The following DTNB variants were observed in gnomAD, a reference collection of about 807,000 sequenced individuals.
DTNB encodes DTN-B.
DTNB carries 63 observed loss-of-function variants against 90.7 expected under a neutral mutation model. The ratio of observed to expected loss-of-function variants is 0.69; its 90% confidence interval spans 0.57 to 0.86. DTNB has a LOEUF of 0.86. Among genes scored for constraint, DTNB ranks in the 40% least tolerant of loss-of-function variants. The pLI, the probability that DTNB is intolerant of heterozygous loss-of-function variation, is 0.00. For missense variants in DTNB, 744 were observed against 807.1 expected (o/e 0.92, Z 0.95); for synonymous variants, 277 against 286.7 (o/e 0.97, Z 0.34).
At chr2:25,488,769 C>A (rs543393283) in intron 9 of DTNB, among the ~76,000 whole-genome samples, 2 of 152,280 alleles carry the variant, frequency 1.3e-5, no homozygotes, top group African/African-American at 4.8e-5. Flanking sequence ...TCCCCCCTCA[C>A]CCTCCCGAGT....
intron 3 of DTNB, among the ~76,000 whole-genome samples, chr2:25,630,002 G>C (rs1035711854): frequency 8.5e-5 from 13 of 152,206 alleles, no homozygotes; most frequent in Non-Finnish European, 1.9e-4. Flanking sequence ...TTAAGGGTCT[G>C]GGATCCAGAC....
At chr2:25,616,682 C>T (rs58541550) in intron 4 of DTNB, among the ~76,000 whole-genome samples, 24,265 of 148,006 alleles carry the variant, frequency 0.16, 2,543 homozygotes, top group East Asian at 0.57. Context: ...CCTCTAATCC[C>T]AGCACTTTGG....
chr2:25,637,034 A>C (rs2077263795), intron 3 of DTNB, among the ~76,000 whole-genome samples: 2 of 152,150 alleles, frequency 1.3e-5, no homozygotes, highest in African/African-American at 4.8e-5. Flanking sequence ...GGTCTAACAG[A>C]GCCCTCAGAA....
intron 15 of DTNB, among the ~76,000 whole-genome samples, chr2:25,423,026 C>T (rs2050287859): frequency 6.6e-6 from 1 of 152,096 alleles, no homozygotes; most frequent in South Asian, 2.1e-4. Flanking sequence ...AACCCGTCTA[C>T]TAAAAATACA....
chr2:25,600,906 T>C (rs940512863), intron 5 of DTNB, among the ~76,000 whole-genome samples: 8 of 152,204 alleles, frequency 5.3e-5, no homozygotes, highest in Non-Finnish European at 1.0e-4. Context: ...TAAGAAACTA[T>C]AACAGGCCTA....
At chr2:25,609,677 C>T (rs1009230452) in intron 4 of DTNB, among the ~76,000 whole-genome samples, 9 of 148,990 alleles carry the variant, frequency 6.0e-5, no homozygotes, top group Admixed American at 1.3e-4. Flanking sequence ...CACACACACA[C>T]ACACACACAC....
chr2:25,419,330 C>T (rs2048744608), intron 16 of DTNB, 185 bp downstream of exon 16: 2 of 834,980 alleles, frequency 2.4e-6, no homozygotes, highest in South Asian at 1.5e-5. Context: ...ACATGCTCTA[C>T]TGGGTAAACA....
At chr2:25,590,977 T>A (rs887130562) in intron 6 of DTNB, among the ~76,000 whole-genome samples, 1 of 152,194 alleles carries the variant, frequency 6.6e-6, no homozygotes. Context: ...CTTCCTCCCA[T>A]GCTCATCAGT....
intron 6 of DTNB, among the ~76,000 whole-genome samples, chr2:25,582,947 G>A (rs1160411890): frequency 6.6e-6 from 1 of 152,038 alleles, no homozygotes. Context: ...CCAAGATAAA[G>A]TCAAAAGTGT....
At chr2:25,404,391 G>C (rs777494290) in intron 16 of DTNB, among the ~76,000 whole-genome samples, 9 of 152,152 alleles carry the variant, frequency 5.9e-5, no homozygotes, top group Non-Finnish European at 1.2e-4. Flanking sequence ...AACCAGGCGG[G>C]GGAAAGTGCA....
chr2:25,387,682 C>T lies in DTNB; in HGVS notation c.1736-304G>A, dbSNP rs926698475. ...GCATTCCACCGAGGTCTTCCTCAGC[C>T]TTGTGGGGGTGGGGCTGTACTCTCC... On this transcript the variant is annotated intron_variant, in intron 17 of 20. Transcript: ENST00000406818. The surrounding 1 kb of genome is among the most constrained non-coding windows in gnomAD (Gnocchi z 4.5). 6.6e-6 allele frequency among the ~76,000 whole-genome samples: 1 copy of T among 152,192 alleles called. No homozygotes were observed. The highest frequency in any genetic ancestry group is 2.4e-5 in the African/African-American group (1 of 41,452).
At chr2:25,567,025 C>T (rs2059149024) in intron 8 of DTNB, among the ~76,000 whole-genome samples, 1 of 152,232 alleles carries the variant, frequency 6.6e-6, no homozygotes, top group African/African-American at 2.4e-5. Flanking sequence ...ATGGCAGACC[C>T]AGCCTCAGCA....
At position 25,628,186 on chromosome 2, in the gene DTNB, A is replaced by G. The variant is rs17854577; in HGVS notation, c.347T>C (p.Ile116Thr). The G allele has an allele frequency of 1.2e-6, 2 of 1,613,954 alleles. No individual in the cohort carries two copies. The highest frequency in any genetic ancestry group is 1.7e-6 in the Non-Finnish European group (2 of 1,179,856). The change falls in exon 4 of 21, where the codon ATT becomes ACT. Residue 116 changes from isoleucine to threonine, a missense_variant. Transcript: ENST00000406818. The part of the protein sequence containing the change: ...QSISLLLNFM[I>T]AAYDSEGRGK... ...TACTACTAGCCTGTCATATGCAGCA[A>G]TCATAAAGTTGAGGAGGAGGCTGAT...
chr2:25,385,028 A>G (rs1053904266), intron 18 of DTNB, among the ~76,000 whole-genome samples: 2 of 151,712 alleles, frequency 1.3e-5, no homozygotes, highest in African/African-American at 2.4e-5. Context: ...ACAGACATGC[A>G]CCACCATGCC....
intron 4 of DTNB, among the ~76,000 whole-genome samples, chr2:25,622,044 C>T (rs1573559044): frequency 2.7e-5 from 4 of 150,222 alleles, no homozygotes; most frequent in African/African-American, 9.8e-5. Context: ...TTTTTTTTAC[C>T]AGTTTATTCC....
chr2:25,411,633 A>G (rs2046641850), intron 16 of DTNB, among the ~76,000 whole-genome samples: 1 of 152,146 alleles, frequency 6.6e-6, no homozygotes, highest in Admixed American at 6.5e-5. Context: ...TTACCAACAG[A>G]CATCTGTACC....
chr2:25,647,035 G>A (rs1421192706), intron 2 of DTNB, among the ~76,000 whole-genome samples: 2 of 152,018 alleles, frequency 1.3e-5, no homozygotes, highest in Non-Finnish European at 1.5e-5. Flanking sequence ...CTACTTACAA[G>A]AGACAAAAAC....
chr2:25,418,648 G>A (rs1256273455), intron 16 of DTNB, among the ~76,000 whole-genome samples: 1 of 150,734 alleles, frequency 6.6e-6, no homozygotes, highest in African/African-American at 2.4e-5. Flanking sequence ...GCAGTGAGCC[G>A]AGATCATGCC....
intron 9 of DTNB, among the ~76,000 whole-genome samples, chr2:25,494,834 C>G (rs2068428123): frequency 1.3e-5 from 2 of 151,828 alleles, no homozygotes; most frequent in African/African-American, 2.4e-5. Context: ...CATGCTATGA[C>G]TGGTATTCCT....
Sources: allele counts gnomAD v4.1 joint callset (sites outside exome capture counted in the v4.1 genomes callset), GRCh38; gene constraint gnomAD v4.1.1; non-coding constraint Gnocchi (gnomAD v3.1); transcripts MANE v1.5; gene names NCBI Gene and HGNC (gene_info 2026-07-23, HGNC 2026-07-21).